FTO: variants seen among roughly 807,000 people sequenced by gnomAD.
FTO encodes alpha-ketoglutarate-dependent dioxygenase FTO.
In FTO, 47 loss-of-function variants were observed where a neutral mutation model predicts 63.9. The observed-to-expected ratio is 0.74, with a 90% confidence interval of 0.58 to 0.94. The LOEUF (loss-of-function observed/expected upper bound fraction) is 0.94. Among genes scored for constraint, FTO ranks in the 40% least tolerant of loss-of-function variants. The pLI, the probability that FTO is intolerant of heterozygous loss-of-function variation, is 0.00. For synonymous variants in FTO, 207 were observed against 224.4 expected (o/e 0.92, Z 0.69); for missense variants, 562 against 618.1 (o/e 0.91, Z 0.96).
intron 1 of FTO, among the ~76,000 whole-genome samples, chr16:53,794,253 A>T (rs113876204): frequency 1.3e-5 from 2 of 152,214 alleles, no homozygotes; most frequent in African/African-American, 2.4e-5. Context: ...CTTCTTGTCA[A>T]GATGGTACTG....
chr16:54,069,403 G>T (rs561936424), intron 8 of FTO, among the ~76,000 whole-genome samples: 3 of 152,110 alleles, frequency 2.0e-5, no homozygotes, highest in Non-Finnish European at 4.4e-5. Context: ...TCAGACGTAG[G>T]AAGGACATGA....
At chr16:53,984,215 C>T (rs1441652810) in intron 8 of FTO, among the ~76,000 whole-genome samples, 1 of 151,506 alleles carries the variant, frequency 6.6e-6, no homozygotes, top group Non-Finnish European at 1.5e-5. Flanking sequence ...AGTCAAGTTG[C>T]AGAAAAGTTT....
chr16:53,792,245 A>ATTCACTT (rs2077943497), intron 1 of FTO, among the ~76,000 whole-genome samples: 1 of 152,222 alleles, frequency 6.6e-6, no homozygotes, highest in African/African-American at 2.4e-5. Flanking sequence ...TTCACTTTTC[A>ATTCACTT]TCGCTATTAG....
intron 4 of FTO, among the ~76,000 whole-genome samples, chr16:53,868,995 C>A (rs1469221292): frequency 3.3e-5 from 5 of 152,026 alleles, no homozygotes; most frequent in Admixed American, 3.3e-4. Context: ...CTGCGCCCAC[C>A]TGATTTTTGT....
intron 8 of FTO, among the ~76,000 whole-genome samples, chr16:54,004,847 G>A (rs373750027): frequency 2.0e-5 from 3 of 151,956 alleles, no homozygotes; most frequent in African/African-American, 7.3e-5. Flanking sequence ...GAGGCGAGCG[G>A]ATCATGAGGT....
In FTO at chr16:53,997,621, G is replaced by A. The variant is rs568338244; in HGVS notation, c.1364+63512G>A. On this transcript the variant is annotated intron_variant, in intron 8 of 8. Transcript: ENST00000471389. ...GTGCAGTATACAAAACAGAGGGGAC[G>A]TGTTATAAGGCAGAGAGGTATGAGA... is the stretch of plus-strand genomic sequence containing the variant. 7.4e-4 allele frequency among the ~76,000 whole-genome samples: 113 copies of A among 151,934 alleles called. 1 individual carries two copies. The highest frequency in any genetic ancestry group is 2.7e-3 in the East Asian group (14 of 5,174).
At chr16:54,049,799 C>G (rs1209139506) in intron 8 of FTO, among the ~76,000 whole-genome samples, 2 of 152,138 alleles carry the variant, frequency 1.3e-5, no homozygotes, top group Non-Finnish European at 2.9e-5. Context: ...GGCTCTTTTC[C>G]CAGGATTTGG....
At chr16:54,009,908 C>T (rs1423014895) in intron 8 of FTO, among the ~76,000 whole-genome samples, 10 of 152,210 alleles carry the variant, frequency 6.6e-5, no homozygotes, top group Admixed American at 3.3e-4. Flanking sequence ...AAATAAGTGT[C>T]GGGGTTGAAG....
chr16:53,744,965 A>G (rs1164694346), intron 1 of FTO, among the ~76,000 whole-genome samples: 1 of 152,186 alleles, frequency 6.6e-6, no homozygotes, highest in Non-Finnish European at 1.5e-5. Context: ...ATATTAAATA[A>G]GATCACTGAT....
intron 8 of FTO, among the ~76,000 whole-genome samples, chr16:53,972,777 A>G (rs2083355936): frequency 6.6e-6 from 1 of 152,174 alleles, no homozygotes; most frequent in African/African-American, 2.4e-5. Context: ...AGAAAATGCA[A>G]ACTTTTAGGA....
chr16:53,824,316 T>C (rs2078947202), intron 2 of FTO, among the ~76,000 whole-genome samples: 1 of 152,198 alleles, frequency 6.6e-6, no homozygotes, highest in Non-Finnish European at 1.5e-5. Context: ...TAGAATAGGT[T>C]GGTCTTTTTC....
chr16:53,812,673 G>A (rs1438664277), intron 2 of FTO, among the ~76,000 whole-genome samples: 1 of 152,110 alleles, frequency 6.6e-6, no homozygotes, highest in African/African-American at 2.4e-5. Context: ...ATAATAATGA[G>A]TTTAGTATGA....
intron 6 of FTO, among the ~76,000 whole-genome samples, chr16:53,884,455 T>C (rs765573060): frequency 6.6e-6 from 1 of 152,202 alleles, no homozygotes; most frequent in South Asian, 2.1e-4. Flanking sequence ...AGCCTTACCA[T>C]GTCTTCCTGG....
intron 8 of FTO, among the ~76,000 whole-genome samples, chr16:53,951,434 A>C (rs2143525534): frequency 6.6e-6 from 1 of 152,270 alleles, no homozygotes. Flanking sequence ...GTTTCTGTCT[A>C]ATCTACAGTG....
chr16:53,893,245 G>T (rs2081197221), intron 7 of FTO, among the ~76,000 whole-genome samples: 2 of 151,982 alleles, frequency 1.3e-5, no homozygotes. Flanking sequence ...CCCTATTGAG[G>T]ATGGCATTAT....
Position 53,826,364 on chromosome 16 carries a change from T to A in FTO, c.624T>A (p.Asp208Glu). The change falls in exon 3 of 9, where the codon GAT becomes GAA. Residue 208 changes from aspartate (D) to glutamate (E), a missense_variant. Physicochemically the swap from Asp to Glu is conservative, Grantham distance 45. Coordinates refer to ENST00000471389, the MANE Select transcript of FTO (RefSeq NM_001080432.3). ...AYNVTLLNFM[D>E]PQKMPYLKEE... is the part of the protein sequence containing the mutation. ...ACGTAACTTTGCTGAATTTCATGGA[T>A]CCTCAGAAAATGCCATACCTGAAAG... 3.1e-6 allele frequency: 5 copies of A among 1,614,152 alleles called. No individual in the cohort carries two copies. The highest frequency in any genetic ancestry group is 4.2e-6 in the Non-Finnish European group (5 of 1,180,024).
intron 1 of FTO, among the ~76,000 whole-genome samples, chr16:53,759,436 G>T (rs1376503792): frequency 1.3e-5 from 2 of 152,194 alleles, no homozygotes; most frequent in Non-Finnish European, 2.9e-5. Flanking sequence ...GCTCATGCCT[G>T]TAATCCCAGC....
chr16:54,044,931 A>C (rs2085147430), intron 8 of FTO, among the ~76,000 whole-genome samples: 1 of 107,412 alleles, frequency 9.3e-6, no homozygotes, highest in South Asian at 3.0e-4. Context: ...ACACCACATA[A>C]CAGAATCTCT....
intron 8 of FTO, chr16:54,039,565 G>A (rs958281098): frequency 2.6e-5 from 4 of 152,150 alleles, no homozygotes; most frequent in Admixed American, 6.5e-5. Flanking sequence ...AAGCATCTTC[G>A]ACTATGCTAA....
Sources: gnomAD v4.1 joint callset for allele counts (sites outside exome capture counted in the v4.1 genomes callset) on GRCh38, gnomAD v4.1.1 for gene constraint, MANE v1.5 for transcripts, NCBI Gene and HGNC (gene_info 2026-07-23, HGNC 2026-07-21) for gene names.